Variants in GRM8 observed in about 807,000 individuals in gnomAD.
GRM8 encodes metabotropic glutamate receptor 8.
GRM8 carries 47 observed loss-of-function variants against 87.2 expected under a neutral mutation model. That is an observed-to-expected ratio of 0.54 (90% CI 0.43 to 0.69). The LOEUF is 0.69. Among genes scored for constraint, GRM8 ranks in the 30% least tolerant of loss-of-function variants. The pLI, the probability that GRM8 is intolerant of heterozygous loss-of-function variation, is 0.00. For missense variants in GRM8, 1,019 were observed against 1,139.2 expected (o/e 0.89, Z 1.52); for synonymous variants, 396 against 404.5 (o/e 0.98, Z 0.25).
intron 6 of GRM8, among the ~76,000 whole-genome samples, chr7:126,816,036 A>G (rs971723472): frequency 1.3e-5 from 2 of 152,046 alleles, no homozygotes; most frequent in Non-Finnish European, 2.9e-5. Context: ...AATATATGAA[A>G]ATAGCACTCT....
chr7:127,047,126 G>T (rs17870047), intron 3 of GRM8, among the ~76,000 whole-genome samples: 1,694 of 152,246 alleles, frequency 0.011, 25 homozygotes, highest in African/African-American at 0.038. Context: ...TGTTTTTGCT[G>T]TTAAAAATTT....
intron 6 of GRM8, among the ~76,000 whole-genome samples, chr7:126,852,596 T>C (rs1797312992): frequency 6.6e-6 from 1 of 152,216 alleles, no homozygotes; most frequent in Non-Finnish European, 1.5e-5. Flanking sequence ...AGAAATTGCT[T>C]TTGTGCCAAA....
intron 2 of GRM8, among the ~76,000 whole-genome samples, chr7:127,107,197 G>C (rs1825893501): frequency 6.6e-6 from 1 of 152,152 alleles, no homozygotes; most frequent in Non-Finnish European, 1.5e-5. Context: ...TCAGTCTTAA[G>C]ACTATATTTT....
intron 3 of GRM8, among the ~76,000 whole-genome samples, chr7:127,032,793 G>A (rs1311151261): frequency 6.6e-6 from 1 of 151,906 alleles, no homozygotes; most frequent in East Asian, 1.9e-4. Flanking sequence ...ACAGCTTGTG[G>A]TTTTTTTCTA....
At chr7:126,665,794 ATCTT>A (rs780572566) in intron 7 of GRM8, among the ~76,000 whole-genome samples, 14 of 151,962 alleles carry the variant, frequency 9.2e-5, no homozygotes, top group Admixed American at 2.0e-4. Context: ...AAATAAAACT[ATCTT>A]TATTTGAATG....
chr7:126,757,618 C>T lies in GRM8; in HGVS notation c.1357+12247G>A, dbSNP rs145820763. On this transcript the variant is annotated intron_variant, in intron 7 of 10. Transcript: ENST00000339582. ...AAGTAGTTCTGTCATGCAGAATCCA[C>T]TTATCTCTGTTCTGTGAGCATGGAC... Among the ~76,000 whole-genome samples, 15 of 152,236 alleles carry T rather than the reference C, an allele frequency of 9.9e-5. No individual in the cohort carries two copies. In the East Asian group the frequency reaches 2.9e-3, roughly 29 times the overall value.
At chr7:126,467,242 G>A (rs1462078575) in intron 9 of GRM8, among the ~76,000 whole-genome samples, 3 of 151,614 alleles carry the variant, frequency 2.0e-5, no homozygotes, top group African/African-American at 7.3e-5. Context: ...AGAACATGCG[G>A]TGTTTGGTTT....
intron 7 of GRM8, among the ~76,000 whole-genome samples, chr7:126,738,546 T>TA (rs35167404): frequency 0.31 from 46,557 of 151,800 alleles, 7,702 homozygotes; most frequent in South Asian, 0.37. Context: ...TGAGAGTTAA[T>TA]ACACCTAATT....
At chr7:126,643,381 T>TAAA (rs11442911) in intron 7 of GRM8, among the ~76,000 whole-genome samples, 8 of 109,942 alleles carry the variant, frequency 7.3e-5, no homozygotes, top group African/African-American at 2.9e-4. Flanking sequence ...TCACTGTAGG[T>TAAA]AAAAAAAAAA....
At chr7:126,974,311 C>T (rs1408169221) in intron 3 of GRM8, among the ~76,000 whole-genome samples, 1 of 152,036 alleles carries the variant, frequency 6.6e-6, no homozygotes, top group African/African-American at 2.4e-5. Flanking sequence ...TTGTATTGGG[C>T]ATTTGCGTTA....
chr7:126,621,400 C>CT (rs1314114717), intron 7 of GRM8, among the ~76,000 whole-genome samples: 1 of 152,026 alleles, frequency 6.6e-6, no homozygotes, highest in African/African-American at 2.4e-5. Flanking sequence ...TTCCAATTAC[C>CT]TTTTTTGTTT....
intron 2 of GRM8, among the ~76,000 whole-genome samples, chr7:127,232,383 A>G (rs1017401886): frequency 5.3e-5 from 8 of 152,062 alleles, no homozygotes; most frequent in African/African-American, 1.9e-4. Flanking sequence ...AGGGCATGCT[A>G]CCACACCCAG....
At chr7:126,813,029 G>T (rs920420112) in intron 6 of GRM8, among the ~76,000 whole-genome samples, 3 of 151,970 alleles carry the variant, frequency 2.0e-5, no homozygotes, top group South Asian at 4.1e-4. Context: ...AGGGTGGGAG[G>T]AGTGAGAGGA....
intron 3 of GRM8, among the ~76,000 whole-genome samples, chr7:127,057,016 G>A (rs1820064464): frequency 1.3e-5 from 2 of 152,012 alleles, no homozygotes; most frequent in African/African-American, 4.8e-5. Context: ...TCTGGATTGT[G>A]AACTGACAAA....
At chr7:126,846,420 A>G (rs1796717260) in intron 6 of GRM8, among the ~76,000 whole-genome samples, 1 of 152,260 alleles carries the variant, frequency 6.6e-6, no homozygotes, top group Non-Finnish European at 1.5e-5. Flanking sequence ...GTGTAATGGT[A>G]TCTTACCTTT....
chr7:126,724,562 T>C (rs1812755594), intron 7 of GRM8, among the ~76,000 whole-genome samples: 1 of 152,166 alleles, frequency 6.6e-6, no homozygotes, highest in Admixed American at 6.5e-5. Flanking sequence ...ACTGAGAGTC[T>C]GGCATTGCTT....
chr7:126,829,613 G>A (rs1386530311), intron 6 of GRM8, among the ~76,000 whole-genome samples: 1 of 151,814 alleles, frequency 6.6e-6, no homozygotes, highest in African/African-American at 2.4e-5. Flanking sequence ...CATGAGATGG[G>A]TTTCCTGAAT....
chr7:126,600,339 G>C (rs1797611447), intron 8 of GRM8, among the ~76,000 whole-genome samples: 1 of 152,092 alleles, frequency 6.6e-6, no homozygotes, highest in Non-Finnish European at 1.5e-5. Flanking sequence ...TGTATTGGCA[G>C]ATGTGAAACC....
intron 6 of GRM8, among the ~76,000 whole-genome samples, chr7:126,878,639 C>T (rs1171165955): frequency 6.6e-6 from 1 of 151,752 alleles, no homozygotes; most frequent in Admixed American, 6.6e-5. Flanking sequence ...CCAGCCTCAG[C>T]CTCCCAAATA....
Sources: gnomAD v4.1 joint callset for allele counts (sites outside exome capture counted in the v4.1 genomes callset) on GRCh38, gnomAD v4.1.1 for gene constraint, MANE v1.5 for transcripts, NCBI Gene and HGNC (gene_info 2026-07-23, HGNC 2026-07-21) for gene names.